The following ITSN2 variants were observed in gnomAD, a reference collection of about 807,000 sequenced individuals.
ITSN2 encodes intersectin 2.
In ITSN2, 156 loss-of-function variants were observed where a neutral mutation model predicts 243.7. That is an observed-to-expected ratio of 0.64 (90% confidence interval 0.56 to 0.73). ITSN2 has a LOEUF of 0.73. ITSN2 is among the 30% of genes least tolerant of loss of function. The pLI is 0.00. For missense variants in ITSN2, 1,801 were observed against 1,996.1 expected (o/e 0.90, Z 1.86); for synonymous variants, 703 against 699.9 (o/e 1.00, Z -0.07).
intron 23 of ITSN2, among the ~76,000 whole-genome samples, chr2:24,255,910 G>A (rs555913518): frequency 3.3e-5 from 5 of 152,084 alleles, no homozygotes; most frequent in Admixed American, 1.3e-4. Flanking sequence ...AAATTTAGCC[G>A]GGCATGGTTG....
Position 24,286,261 on chromosome 2 carries a change from T to G in ITSN2, c.1814A>C (p.Glu605Ala), listed in dbSNP as rs765220600. ...CATTTCTGACAGCTTAGATGCAGTT[T>G]CTTTTTCAAGAGCATCTAACTGTTC... is the stretch of plus-strand genomic sequence containing the variant. ...LKEQLDALEK[E>A]TASKLSEMDS... Residue 605 changes from glutamate to alanine, a missense_variant, in exon 16 of 40, where the codon GAA (glutamate) becomes GCA (alanine). Transcript: ENST00000355123. 1 of 1,604,354 alleles carries G rather than the reference T, an allele frequency of 6.2e-7. No individual in the cohort carries two copies. The highest frequency in any genetic ancestry group is 8.5e-7 in the Non-Finnish European group (1 of 1,172,050).
chr2:24,210,302 T>G, intron 34 of ITSN2: 2 of 446,144 alleles, frequency 4.5e-6, no homozygotes, highest in South Asian at 2.8e-5. Context: ...CAGTGTTCTC[T>G]CCTTAGGAGA....
At chr2:24,271,745 T>A in intron 19 of ITSN2, 21 bp downstream of exon 19, 1 of 1,544,414 alleles carries the variant, frequency 6.5e-7, no homozygotes, top group South Asian at 1.3e-5. Context: ...TTCTACTGTC[T>A]CAAAGTATCC....
intron 20 of ITSN2, among the ~76,000 whole-genome samples, chr2:24,267,848 C>G (rs1676865720): frequency 6.6e-6 from 1 of 152,186 alleles, no homozygotes; most frequent in African/African-American, 2.4e-5. Flanking sequence ...TGCACCTGCA[C>G]CTGGCCAAAA....
chr2:24,306,276 G>A (rs1001758133), intron 8 of ITSN2, among the ~76,000 whole-genome samples: 2 of 152,162 alleles, frequency 1.3e-5, no homozygotes, highest in East Asian at 3.9e-4. Context: ...CACTGCACCC[G>A]GCCTGCCTAA....
chr2:24,314,967 A>G (rs1683730366), intron 3 of ITSN2, among the ~76,000 whole-genome samples, 165 bp downstream of exon 3: 2 of 152,230 alleles, frequency 1.3e-5, no homozygotes, highest in Non-Finnish European at 2.9e-5. Flanking sequence ...AAATTAAGAC[A>G]GTTCCAGGAA....
chr2:24,236,149 G>C (rs948217900), intron 29 of ITSN2, among the ~76,000 whole-genome samples: 1 of 152,062 alleles, frequency 6.6e-6, no homozygotes, highest in Non-Finnish European at 1.5e-5. Context: ...CACACAATGG[G>C]ATGTTAATTT....
intron 2 of ITSN2, among the ~76,000 whole-genome samples, chr2:24,315,594 C>T (rs988293343): frequency 1.3e-5 from 2 of 152,196 alleles, no homozygotes; most frequent in African/African-American, 2.4e-5. Flanking sequence ...CATAGTTTAG[C>T]CCTGTGTCCC....
At chr2:24,312,969 T>C (rs1196640928) in intron 4 of ITSN2, among the ~76,000 whole-genome samples, 1 of 152,084 alleles carries the variant, frequency 6.6e-6, no homozygotes, top group African/African-American at 2.4e-5. Flanking sequence ...AATGTATATA[T>C]CTTTCCTTAG....
chr2:24,206,458 G>A (rs927658345), intron 37 of ITSN2, among the ~76,000 whole-genome samples: 1 of 151,984 alleles, frequency 6.6e-6, no homozygotes, highest in African/African-American at 2.4e-5. Flanking sequence ...TGGGGTGGAG[G>A]CCACAGGCTG....
At chr2:24,229,707 A>G (rs1671389463) in intron 29 of ITSN2, among the ~76,000 whole-genome samples, 1 of 152,226 alleles carries the variant, frequency 6.6e-6, no homozygotes, top group Non-Finnish European at 1.5e-5. Flanking sequence ...TTATTTTCAG[A>G]TATTTCACTT....
chr2:24,350,967 T>C (rs780681746), intron 1 of ITSN2, among the ~76,000 whole-genome samples: 4 of 152,174 alleles, frequency 2.6e-5, no homozygotes, highest in African/African-American at 4.8e-5. Context: ...TAAAAAACAC[T>C]GAACTGTAAA....
intron 13 of ITSN2, 81 bp downstream of exon 13, chr2:24,298,584 C>A (rs1356792855): frequency 1.5e-6 from 2 of 1,342,468 alleles, no homozygotes; most frequent in Non-Finnish European, 2.0e-6. Flanking sequence ...GTGTGAGCCA[C>A]CACGCCTGGC....
chr2:24,253,462 G>A (rs563614379), intron 24 of ITSN2, among the ~76,000 whole-genome samples: 1 of 152,132 alleles, frequency 6.6e-6, no homozygotes, highest in Non-Finnish European at 1.5e-5. Context: ...GTGACATGAC[G>A]TTCCCCCGTT....
chr2:24,332,979 T>C (rs1685955789), intron 1 of ITSN2, among the ~76,000 whole-genome samples: 1 of 152,216 alleles, frequency 6.6e-6, no homozygotes, highest in Non-Finnish European at 1.5e-5. Context: ...TAGACTTATC[T>C]ACCAGGTGCC....
At chr2:24,266,487 T>C (rs1355630539) in intron 20 of ITSN2, among the ~76,000 whole-genome samples, 2 of 152,204 alleles carry the variant, frequency 1.3e-5, no homozygotes, top group Non-Finnish European at 2.9e-5. Flanking sequence ...ATGAAATATT[T>C]AGAAAACTCC....
At chr2:24,229,165 A>G (rs1217047040) in intron 29 of ITSN2, among the ~76,000 whole-genome samples, 3 of 152,272 alleles carry the variant, frequency 2.0e-5, no homozygotes, top group Non-Finnish European at 4.4e-5. Flanking sequence ...AAAAACTGAC[A>G]TATCTATAAT....
At position 24,303,868 on chromosome 2, in the gene ITSN2, T is replaced by C; in HGVS notation, c.794-6A>G. ...GGCATTTCTAGCTTGAAAACCTGAT[T>C]AAGTGGGGAAAATCATAAAGGAATT... is the stretch of plus-strand genomic sequence containing the variant. On this transcript the variant is annotated splice_polypyrimidine_tract_variant and splice_region_variant and intron_variant, in intron 8 of 39. Transcript: ENST00000355123. 1 of 1,586,290 alleles carries C rather than the reference T, an allele frequency of 6.3e-7. No individual in the cohort carries two copies. The highest frequency in any genetic ancestry group is 8.7e-7 in the Non-Finnish European group (1 of 1,154,648).
intron 1 of ITSN2, among the ~76,000 whole-genome samples, chr2:24,331,754 C>G (rs1247253981): frequency 6.6e-6 from 1 of 152,194 alleles, no homozygotes; most frequent in Non-Finnish European, 1.5e-5. Flanking sequence ...TGAGACGGCA[C>G]CTGTCAAAAG....
Sources: allele counts gnomAD v4.1 joint callset (sites outside exome capture counted in the v4.1 genomes callset), GRCh38; gene constraint gnomAD v4.1.1; transcripts MANE v1.5; gene names NCBI Gene and HGNC (gene_info 2026-07-23, HGNC 2026-07-21).